The following TANC2 variants were observed in gnomAD, a reference collection of about 807,000 sequenced individuals.
TANC2 encodes the protein protein TANC2.
TANC2 carries 26 observed loss-of-function variants against 210.5 expected under a neutral mutation model. The ratio of observed to expected loss-of-function variants is 0.12; its 90% CI spans 0.09 to 0.17. TANC2 has a LOEUF of 0.17. Ranked by LOEUF, TANC2 falls within the 10% of genes least tolerant of loss-of-function variation. The pLI is 1.00. For synonymous variants in TANC2, 931 were observed against 967.1 expected, an observed-to-expected ratio of 0.96 and a Z score of 0.69; for missense variants, 2,129 against 2,608.9, an observed-to-expected ratio of 0.82 and a Z score of 4.01.
intron 4 of TANC2, among the ~76,000 whole-genome samples, chr17:63,106,245 C>G (rs1226536321): frequency 4.0e-5 from 6 of 151,648 alleles, no homozygotes; most frequent in Admixed American, 3.9e-4. Context: ...TTTCAATTAT[C>G]ATGAGTCAGT....
In TANC2 at chr17:63,374,998, C is replaced by T. The variant is rs2047382124; in HGVS notation, c.2583-4720C>T. Among the ~76,000 whole-genome samples, 4 of 151,946 alleles carry T rather than the reference C, an allele frequency of 2.6e-5. No homozygotes were observed. The South Asian group carries it at 8.3e-4, about 32-fold the overall frequency. On this transcript the variant is annotated intron_variant, in intron 14 of 27. Coordinates refer to ENST00000689528, the Ensembl canonical transcript of TANC2. ...GCTACTACGTTTTATGCCTGAGTAA[C>T]TGGCAATATTTAAAAAAAAGAGAGA...
At chr17:63,317,144 G>T (rs1251798342) in intron 10 of TANC2, among the ~76,000 whole-genome samples, 1 of 151,910 alleles carries the variant, frequency 6.6e-6, no homozygotes, top group Non-Finnish European at 1.5e-5. Flanking sequence ...TTCTTTCTCT[G>T]CATCATCTGT....
chr17:63,332,152 T>C (rs374111015), intron 11 of TANC2: 1 of 350,574 alleles, frequency 2.9e-6, no homozygotes, highest in South Asian at 2.5e-5. Flanking sequence ...TTCTTTAAGA[T>C]CAACTTCAAA....
At chr17:63,250,487 G>A (rs1177404343) in intron 8 of TANC2, among the ~76,000 whole-genome samples, 3 of 151,994 alleles carry the variant, frequency 2.0e-5, no homozygotes, top group Admixed American at 6.6e-5. Flanking sequence ...AGGTAGGAAC[G>A]TATGTGTCCC....
intron 11 of TANC2, chr17:63,338,946 G>A (rs2046130053): frequency 6.6e-6 from 1 of 152,244 alleles, no homozygotes; most frequent in African/African-American, 2.4e-5. Context: ...CTCTTTAGTA[G>A]ATGACTGGCA....
chr17:63,266,013 A>G (rs749594852), intron 8 of TANC2, among the ~76,000 whole-genome samples: 24 of 152,152 alleles, frequency 1.6e-4, no homozygotes, highest in Admixed American at 9.2e-4. Flanking sequence ...AAGAGAGGGT[A>G]AGAGGTAGAG....
intron 7 of TANC2, among the ~76,000 whole-genome samples, chr17:63,205,174 T>C (rs1384473711): frequency 2.0e-5 from 3 of 151,958 alleles, no homozygotes; most frequent in Non-Finnish European, 4.4e-5. Flanking sequence ...CCTAAGACCA[T>C]GTGGCATGGA....
intron 2 of TANC2, among the ~76,000 whole-genome samples, chr17:63,019,339 G>A (rs1469768245): frequency 8.9e-6 from 1 of 112,936 alleles, no homozygotes; most frequent in African/African-American, 4.5e-5. Flanking sequence ...TGCCTCAGCC[G>A]CCTGAGTACC....
At chr17:63,197,200 C>T (rs770633074) in intron 6 of TANC2, among the ~76,000 whole-genome samples, 3 of 152,060 alleles carry the variant, frequency 2.0e-5, no homozygotes, top group African/African-American at 4.8e-5. Context: ...TTTCACATTT[C>T]TTAAGTGGGG....
chr17:63,335,337 G>A (rs1262911900), intron 11 of TANC2, among the ~76,000 whole-genome samples: 1 of 152,158 alleles, frequency 6.6e-6, no homozygotes, highest in Non-Finnish European at 1.5e-5. Context: ...AGATGGCCGG[G>A]CACGGTGGCT....
At chr17:63,403,985 C>A (rs977027342) in intron 19 of TANC2, among the ~76,000 whole-genome samples, 4 of 152,138 alleles carry the variant, frequency 2.6e-5, no homozygotes, top group African/African-American at 9.7e-5. Flanking sequence ...TCTCTGAATA[C>A]GTTTTAAAGT....
chr17:63,029,591 C>T (rs2034687646), intron 2 of TANC2, among the ~76,000 whole-genome samples: 1 of 152,080 alleles, frequency 6.6e-6, no homozygotes, highest in Admixed American at 6.6e-5. Flanking sequence ...TTTTATAAAT[C>T]TGTGTTGTCT....
intron 14 of TANC2, among the ~76,000 whole-genome samples, chr17:63,379,128 A>G (rs1213860930): frequency 2.0e-5 from 3 of 152,206 alleles, no homozygotes; most frequent in Non-Finnish European, 4.4e-5. Context: ...AGAGTTGCTG[A>G]CAGAGACAGA....
At chr17:63,176,152 T>C (rs1018618564) in intron 5 of TANC2, among the ~76,000 whole-genome samples, 7 of 152,220 alleles carry the variant, frequency 4.6e-5, no homozygotes, top group Non-Finnish European at 8.8e-5. Context: ...CTTATGAAGC[T>C]AAAATTATAA....
chr17:63,005,896 TTGTGTGTGTGTGTGTGTGTGTGTG>T (rs56763847), intron 1 of TANC2, among the ~76,000 whole-genome samples: 3 of 132,778 alleles, frequency 2.3e-5, no homozygotes, highest in African/African-American at 5.6e-5. Context: ...GCTGTATAGT[TTGTGTGTGTGTGTGTGTGTGTGTG>T]TGTGTGTGTG....
chr17:63,338,838 A>G (rs949819260), intron 11 of TANC2: 1 of 152,164 alleles, frequency 6.6e-6, no homozygotes. Context: ...GTTTAATGAG[A>G]AGGATTTCAG....
intron 9 of TANC2, among the ~76,000 whole-genome samples, chr17:63,309,432 T>C (rs1567902512): frequency 7.5e-6 from 1 of 132,642 alleles, no homozygotes; most frequent in Non-Finnish European, 1.5e-5. Flanking sequence ...AATTTGTATT[T>C]ATTTGGTTAT....
chr17:63,340,258 T>G, exon 12 of TANC2: 2 of 1,613,960 alleles, frequency 1.2e-6, no homozygotes, highest in Non-Finnish European at 1.7e-6. Context: ...ATGCTGAGCC[T>G]TCGTTCCTGT....
At chr17:63,352,304 G>A (rs1385530124) in intron 13 of TANC2, among the ~76,000 whole-genome samples, 2 of 151,960 alleles carry the variant, frequency 1.3e-5, no homozygotes, top group Non-Finnish European at 2.9e-5. Context: ...TTCCCCCTCT[G>A]CCAGGCACTT....
Sources: allele counts gnomAD v4.1 joint callset (sites outside exome capture counted in the v4.1 genomes callset), GRCh38; gene constraint gnomAD v4.1.1; transcripts MANE v1.5; gene names NCBI Gene and HGNC (gene_info 2026-07-23, HGNC 2026-07-21).